The following STMN2 variants were observed in gnomAD, a reference collection of about 807,000 sequenced individuals.
The protein encoded by STMN2 is stathmin 2.
STMN2 carries 2 observed loss-of-function variants against 24.1 expected under a neutral mutation model. That is an observed-to-expected ratio of 0.08 (90% CI 0.03 to 0.26). STMN2 has a LOEUF of 0.26. Ranked by LOEUF, STMN2 falls within the 10% of genes least tolerant of loss-of-function variation. STMN2 has a pLI of 1.00. For missense variants in STMN2, 114 were observed against 213.6 expected (o/e 0.53, Z 2.91); for synonymous variants, 83 against 77.5 (o/e 1.07, Z -0.37).
At chr8:79,632,367 T>A (rs1239899590) in intron 1 of STMN2, among the ~76,000 whole-genome samples, 1 of 152,140 alleles carries the variant, frequency 6.6e-6, no homozygotes, top group Non-Finnish European at 1.5e-5. Context: ...CAGGCACATT[T>A]CAAAAGGAAA....
chr8:79,643,462 G>A (rs1048644098), intron 3 of STMN2, among the ~76,000 whole-genome samples: 2 of 152,064 alleles, frequency 1.3e-5, no homozygotes, highest in Non-Finnish European at 2.9e-5. Flanking sequence ...GTAGAGATAA[G>A]AGTCATAGGT....
At chr8:79,616,177 A>G (rs1809378224) in intron 1 of STMN2, among the ~76,000 whole-genome samples, 1 of 152,140 alleles carries the variant, frequency 6.6e-6, no homozygotes, top group Admixed American at 6.6e-5. Flanking sequence ...CCCATCTTCT[A>G]AGTCTGTCTT....
intron 1 of STMN2, among the ~76,000 whole-genome samples, chr8:79,622,296 A>C (rs997882843): frequency 3.3e-5 from 5 of 152,240 alleles, no homozygotes; most frequent in African/African-American, 1.2e-4. Context: ...GGTCATCAAA[A>C]ATATTAATCC....
chr8:79,656,426 A>G (rs1418354569), intron 4 of STMN2, among the ~76,000 whole-genome samples: 2 of 152,212 alleles, frequency 1.3e-5, no homozygotes, highest in Non-Finnish European at 2.9e-5. Context: ...CACCCAAGTG[A>G]GTCAAGTCAC....
At chr8:79,627,816 C>T (rs1809693790) in intron 1 of STMN2, among the ~76,000 whole-genome samples, 1 of 152,204 alleles carries the variant, frequency 6.6e-6, no homozygotes, top group Admixed American at 6.5e-5. Flanking sequence ...CCCTTCTACT[C>T]TCTGCTTCTA....
chr8:79,621,135 T>TC (rs200728685), intron 1 of STMN2, among the ~76,000 whole-genome samples: 1,950 of 152,266 alleles, frequency 0.013, 49 homozygotes, highest in African/African-American at 0.045. Flanking sequence ...GGATTCTGAG[T>TC]TTCAGTCTTT....
At chr8:79,650,525 C>T (rs1810312776) in intron 3 of STMN2, among the ~76,000 whole-genome samples, 1 of 152,134 alleles carries the variant, frequency 6.6e-6, no homozygotes, top group South Asian at 2.1e-4. Flanking sequence ...GATTAAACTG[C>T]CTATTTGCTC....
intron 3 of STMN2, among the ~76,000 whole-genome samples, chr8:79,644,930 G>A (rs1257663367): frequency 2.6e-5 from 4 of 152,112 alleles, no homozygotes; most frequent in African/African-American, 9.7e-5. Context: ...CGAGGCAGGT[G>A]GATCACCTGA....
rs764465572 is a variant in STMN2 at position 79,664,897 on chromosome 8, C to T, written c.*23C>T. ...TGAAGCAAGGGAGGGTCTGGCACGC[C>T]CCACCAATAGTAAATCCCCCTGCCT... On this transcript the variant is annotated 3_prime_UTR_variant, in exon 5 of 5. Transcript: ENST00000220876. 1.9e-6 allele frequency: 3 copies of T among 1,609,496 alleles called. No individual in the cohort carries two copies. Among genetic ancestry groups the T allele is most frequent in the Non-Finnish European group, 2.5e-6 (3 of 1,177,932 alleles).
chr8:79,648,867 C>A (rs1810275501), intron 3 of STMN2, among the ~76,000 whole-genome samples: 1 of 151,918 alleles, frequency 6.6e-6, no homozygotes, highest in Non-Finnish European at 1.5e-5. Flanking sequence ...TAAAAGTGTC[C>A]TGAAAAAATT....
Position 79,641,508 on chromosome 8 carries a change from G to T in STMN2, c.246G>T (p.Glu82Asp), listed in dbSNP as rs1810093467. 2 of 1,613,812 alleles carry T rather than the reference G, an allele frequency of 1.2e-6. No individual in the cohort carries two copies. The highest frequency in any genetic ancestry group is 1.3e-5 in the African/African-American group (1 of 74,840). Residue 82 changes from glutamate to aspartate, a missense_variant, in exon 3 of 5, where the codon GAG (glutamate) becomes GAT (aspartate). By Grantham distance (45) the Glu-to-Asp change is conservative. Coordinates refer to ENST00000220876, the MANE Select transcript of STMN2 (RefSeq NM_007029.4). ...CAAAGAAGAAAGACCTGTCCCTGGA[G>T]GAGATCCAGAAGAAACTGGAGGCTG... ...ASPKKKDLSL[E>D]EIQKKLEAAE... is the part of the protein sequence containing the mutation.
At chr8:79,624,253 G>A (rs923585289) in intron 1 of STMN2, among the ~76,000 whole-genome samples, 2 of 151,942 alleles carry the variant, frequency 1.3e-5, no homozygotes, top group Non-Finnish European at 2.9e-5. Context: ...AGGAGATCGA[G>A]ACCATCCTGG....
At chr8:79,641,109 G>A (rs1396500988) in intron 2 of STMN2, among the ~76,000 whole-genome samples, 1 of 152,014 alleles carries the variant, frequency 6.6e-6, no homozygotes. Flanking sequence ...TTTTATCTAA[G>A]TATGCTTACC....
intron 1 of STMN2, among the ~76,000 whole-genome samples, chr8:79,619,088 A>T (rs908794812): frequency 6.6e-6 from 1 of 151,726 alleles, no homozygotes; most frequent in African/African-American, 2.4e-5. Flanking sequence ...TTTTACAAAG[A>T]TTGTAAAGCA....
chr8:79,611,805 G>C, intron 1 of STMN2: 2 of 827,620 alleles, frequency 2.4e-6, no homozygotes, highest in Non-Finnish European at 2.9e-6. Flanking sequence ...AGACGGCGGG[G>C]GACAGGGTGG....
intron 2 of STMN2, 45 bp from the exon 3 acceptor site, chr8:79,641,333 C>T (rs1810090393): frequency 1.3e-6 from 2 of 1,582,074 alleles, no homozygotes; most frequent in African/African-American, 2.7e-5. Flanking sequence ...TAAACCCATG[C>T]TGCAAGCTTT....
chr8:79,659,932 T>C (rs1806467653), intron 4 of STMN2, among the ~76,000 whole-genome samples: 1 of 152,210 alleles, frequency 6.6e-6, no homozygotes, highest in Non-Finnish European at 1.5e-5. Flanking sequence ...ACCCAGTATC[T>C]ACTAAATACT....
intron 1 of STMN2, among the ~76,000 whole-genome samples, chr8:79,614,099 C>G (rs1395233883): frequency 6.6e-6 from 1 of 152,088 alleles, no homozygotes; most frequent in African/African-American, 2.4e-5. Context: ...ATACATGGAT[C>G]GTGAAATGGT....
At chr8:79,655,525 T>C (rs1327542936) in intron 4 of STMN2, among the ~76,000 whole-genome samples, 2 of 152,016 alleles carry the variant, frequency 1.3e-5, no homozygotes, top group Non-Finnish European at 2.9e-5. Context: ...AAGGCCAGGG[T>C]ATTTATGAAC....
Sources: allele counts gnomAD v4.1 joint callset (sites outside exome capture counted in the v4.1 genomes callset), GRCh38; gene constraint gnomAD v4.1.1; transcripts MANE v1.5; gene names NCBI Gene and HGNC (gene_info 2026-07-23, HGNC 2026-07-21).